The following CUL1 variants were observed in gnomAD, a reference collection of about 807,000 sequenced individuals.
The protein encoded by CUL1 is cullin-1.
In CUL1, 24 loss-of-function variants were observed where a neutral mutation model predicts 118.0. The ratio of observed to expected loss-of-function variants is 0.20; its 90% CI spans 0.15 to 0.29. The LOEUF is 0.29. Ranked by LOEUF, CUL1 falls within the 10% of genes least tolerant of loss-of-function variation. The probability of loss-of-function intolerance (pLI) is 1.00; values close to 1 mark genes in which losing one functional copy is unlikely to be tolerated. For synonymous variants in CUL1, 332 were observed against 340.4 expected, an observed-to-expected ratio of 0.98 and a Z score of 0.27; for missense variants, 361 against 933.8, an observed-to-expected ratio of 0.39 and a Z score of 7.99.
At chr7:148,786,670 A>G (rs1195771675) in intron 12 of CUL1, 71 bp downstream of exon 12, 4 of 1,211,946 alleles carry the variant, frequency 3.3e-6, no homozygotes, top group African/African-American at 3.1e-5. Context: ...TGTTATTTGT[A>G]GATGGCCTCT....
At chr7:148,736,321 T>TA (rs1809120291) in intron 2 of CUL1, among the ~76,000 whole-genome samples, 2 of 152,190 alleles carry the variant, frequency 1.3e-5, no homozygotes, top group African/African-American at 2.4e-5. Flanking sequence ...TGTTTTGAGA[T>TA]AGAGTCTTGC....
chr7:148,788,086 CAGAG>C (rs367865132), intron 13 of CUL1, among the ~76,000 whole-genome samples: 199 of 152,236 alleles, frequency 1.3e-3, no homozygotes, highest in African/African-American at 4.5e-3. Context: ...CCTCACGTGT[CAGAG>C]AGAGAGTGCA....
chr7:148,782,881 C>T lies in CUL1; in HGVS notation c.1084-902C>T, dbSNP rs577101079. 7.9e-5 allele frequency among the ~76,000 whole-genome samples: 12 copies of T among 152,240 alleles called. No homozygotes were observed. The South Asian group carries it at 1.9e-3, about 24-fold the overall frequency. On this transcript the variant is annotated intron_variant, in intron 9 of 21. Coordinates refer to ENST00000325222, the MANE Select transcript of CUL1 (RefSeq NM_003592.3). ...GATCTGTGCTTGGCTGGGGGTGACC[C>T]GGAGCTCCCTCCCACCAACCTTCCC...
At chr7:148,777,483 A>G (rs1389684222) in intron 9 of CUL1, among the ~76,000 whole-genome samples, 1 of 152,182 alleles carries the variant, frequency 6.6e-6, no homozygotes, top group East Asian at 1.9e-4. Context: ...ATAGATGTCA[A>G]CCAGTGGTTT....
chr7:148,774,506 C>G (rs901170127), intron 9 of CUL1, among the ~76,000 whole-genome samples: 4 of 152,172 alleles, frequency 2.6e-5, no homozygotes, highest in African/African-American at 9.7e-5. Context: ...ACAATTGATT[C>G]CATTTTGAAT....
chr7:148,750,125 G>C (rs1373804864), intron 2 of CUL1, among the ~76,000 whole-genome samples: 1 of 152,168 alleles, frequency 6.6e-6, no homozygotes, highest in Non-Finnish European at 1.5e-5. Context: ...TGCGATTAAA[G>C]AAAAGAAGCC....
At chr7:148,775,865 A>G (rs1034089817) in intron 9 of CUL1, among the ~76,000 whole-genome samples, 25 of 152,100 alleles carry the variant, frequency 1.6e-4, no homozygotes, top group African/African-American at 5.3e-4. Context: ...GAAAAAAAAA[A>G]AAAAAGGTTT....
intron 2 of CUL1, among the ~76,000 whole-genome samples, chr7:148,751,991 G>C (rs1799506237): frequency 6.6e-6 from 1 of 152,082 alleles, no homozygotes; most frequent in Non-Finnish European, 1.5e-5. Context: ...GCGCCTGCCT[G>C]TAACCACAGC....
chr7:148,790,400 G>T lies in CUL1; in HGVS notation c.1765G>T (p.Glu589Ter). The T allele has an allele frequency of 6.2e-7, 1 of 1,614,062 alleles. No homozygotes were observed. Among genetic ancestry groups the T allele is most frequent in the Non-Finnish European group, 8.5e-7 (1 of 1,179,918 alleles). Residue 589 changes from glutamate (E) to a stop codon, truncating the protein, a stop_gained, in exon 16 of 22, where the codon GAA becomes TAA. Transcript: ENST00000325222. LOFTEE classifies it high-confidence loss of function. ...GTGGTTATATCAGTTGTCTAAAGGA[G>T]AATTGGTAACTAACTGCTTCAAAAA... ...LTWLYQLSKG[E>*]LVTNCFKNRY...
intron 9 of CUL1, chr7:148,783,412 G>A (rs1344940835): frequency 1.0e-6 from 1 of 985,444 alleles, no homozygotes; most frequent in African/African-American, 1.7e-5. Flanking sequence ...GCGGCTAAAC[G>A]CCTTCTCCAG....
intron 1 of CUL1, among the ~76,000 whole-genome samples, chr7:148,713,443 T>C (rs1260641904): frequency 1.3e-5 from 2 of 152,176 alleles, no homozygotes; most frequent in African/African-American, 4.8e-5. Flanking sequence ...TGTAGTAAAA[T>C]AGGAAGAATA....
At chr7:148,785,588 T>A (rs533708693) in intron 11 of CUL1, among the ~76,000 whole-genome samples, 45 of 150,172 alleles carry the variant, frequency 3.0e-4, no homozygotes, top group Non-Finnish European at 6.4e-4. Flanking sequence ...CGTCTCGAAC[T>A]CCTGACCTCA....
At chr7:148,728,730 G>T (rs1037226793) in intron 1 of CUL1, among the ~76,000 whole-genome samples, 1 of 152,182 alleles carries the variant, frequency 6.6e-6, no homozygotes, top group Non-Finnish European at 1.5e-5. Context: ...AAGACCCATA[G>T]CCCAGAATAT....
chr7:148,737,558 GTA>G (rs34941241), intron 2 of CUL1, among the ~76,000 whole-genome samples: 1 of 128,072 alleles, frequency 7.8e-6, no homozygotes, highest in Non-Finnish European at 1.8e-5. Flanking sequence ...GTGTGTGTGT[GTA>G]TATATATATA....
At chr7:148,798,740 C>T (rs552449778) in intron 20 of CUL1, 63 bp downstream of exon 20, 159 of 1,360,270 alleles carry the variant, frequency 1.2e-4, no homozygotes, top group African/African-American at 7.4e-4. Context: ...CTCGCAAGGA[C>T]GGGCCGTGGG....
In CUL1 at chr7:148,800,856, C is replaced by G. The variant is rs1801363974; in HGVS notation, c.*274C>G. 3.0e-6 allele frequency: 1 copy of G among 330,830 alleles called. No homozygotes were observed. The highest frequency in any genetic ancestry group is 5.6e-6 in the Non-Finnish European group (1 of 178,948). The allele number at this position is 330,830 out of a possible 1,614,324, so 20.5% of individuals were successfully genotyped here. On this transcript the variant is annotated 3_prime_UTR_variant, in exon 22 of 22. Coordinates refer to ENST00000325222, the MANE Select transcript of CUL1 (RefSeq NM_003592.3). This position sits in a 1 kb window ranked among gnomAD's most constrained non-coding sequence, Gnocchi z 4.6. ...GTGCCGAGGGCTGCATGCTACCGCACTAAGTCAATACATGGGCTCCCCGAT... is the reference window on the plus strand; with the variant it reads ...GTGCCGAGGGCTGCATGCTACCGCAGTAAGTCAATACATGGGCTCCCCGAT...
intron 3 of CUL1, among the ~76,000 whole-genome samples, chr7:148,754,724 A>G (rs1348985293): frequency 6.6e-6 from 1 of 151,548 alleles, no homozygotes; most frequent in Non-Finnish European, 1.5e-5. Flanking sequence ...CTCTTTACAC[A>G]TGGTTATGAA....
intron 1 of CUL1, among the ~76,000 whole-genome samples, chr7:148,709,225 G>A (rs1797975607): frequency 2.0e-5 from 3 of 152,212 alleles, no homozygotes; most frequent in Admixed American, 2.0e-4. Flanking sequence ...ACTGACAATT[G>A]AGTACAGGCC....
At chr7:148,776,307 C>CTGTTTTTTTTTTTT (rs1800396144) in intron 9 of CUL1, among the ~76,000 whole-genome samples, 2 of 40,692 alleles carry the variant, frequency 4.9e-5, no homozygotes, top group African/African-American at 1.1e-4. Context: ...CATAACCAGG[C>CTGTTTTTTTTTTTT]TTTTTTTTTT....
Sources: gnomAD v4.1 joint callset for allele counts (sites outside exome capture counted in the v4.1 genomes callset) on GRCh38, gnomAD v4.1.1 for gene constraint, Gnocchi (gnomAD v3.1) non-coding constraint, MANE v1.5 for transcripts, NCBI Gene and HGNC (gene_info 2026-07-23, HGNC 2026-07-21) for gene names.